The following AP5B1 variants were observed in gnomAD, a reference collection of about 807,000 sequenced individuals.
AP5B1 encodes AP-5 complex subunit beta-1.
Under a neutral mutation model 5.7 loss-of-function variants are expected in AP5B1, and 3 were observed. The observed-to-expected ratio is 0.53, with a 90% confidence interval of 0.24 to 1.36. AP5B1 has a LOEUF of 1.36. Ranked by LOEUF, AP5B1 falls within the 40% of genes most tolerant of loss-of-function variation. The pLI is 0.17. For missense variants in AP5B1, 1,310 were observed against 1,143.2 expected (o/e 1.15, Z -2.10); for synonymous variants, 696 against 555.5 (o/e 1.25, Z -3.56).
chr11:65,778,187 G>A lies in AP5B1; in HGVS notation c.2306C>T (p.Pro769Leu), dbSNP rs370926369. The A allele has an allele frequency of 3.7e-5, 59 of 1,613,102 alleles. 1 individual carries two copies. Among genetic ancestry groups the A allele is most frequent in the Admixed American group, 5.0e-5 (3 of 60,008 alleles). ...GGCCCCCTCTGGAGGCTGCGGGAAAGGCAGAAAGAGGTCGGCAAAGTTCAC... is the reference window on the plus strand; with the variant it reads ...GGCCCCCTCTGGAGGCTGCGGGAAAAGCAGAAAGAGGTCGGCAAAGTTCAC... ...LFVNFADLFL[P>L]FPQPPEGAGL... Residue 769 changes from proline (P) to leucine (L), a missense_variant, in exon 2 of 2, where the codon CCT (proline) becomes CTT (leucine). Pro to Leu is a moderately conservative substitution (Grantham distance 98). Coordinates refer to ENST00000532090, the MANE Select transcript of AP5B1 (RefSeq NM_138368.5).
chr11:65,777,557 A>C lies in AP5B1; in HGVS notation c.*299T>G. 4 of 363,848 alleles carry C rather than the reference A, an allele frequency of 1.1e-5. No homozygotes were observed. The highest frequency in any genetic ancestry group is 4.3e-5 in the Admixed American group (1 of 23,058). 22.5% of individuals were successfully genotyped at this position (363,848 alleles called of 1,614,324 possible). A position where few individuals can be genotyped will look rare whatever the true frequency, so the allele number is the denominator to read the frequency against. On this transcript the variant is annotated 3_prime_UTR_variant, in exon 2 of 2. Transcript: ENST00000532090. The stretch of plus-strand genomic sequence containing the variant: ...TGTCACTCTGTCCTCTGTCATGGGA[A>C]GATGCAGAAGGGTCCTCACTGGGCT...
rs761562343 is a variant in AP5B1 at position 65,778,591 on chromosome 11, C to G, written c.1902G>C (p.Ser634=). ...AAGAGGCCAGTGCAGGTGCGGCAAGCGAGGGGCCCAGGGCCACCCCCAACT... is the reference window on the plus strand; with the variant it reads ...AAGAGGCCAGTGCAGGTGCGGCAAGGGAGGGGCCCAGGGCCACCCCCAACT... The part of the protein sequence containing the change: ...APKLGVALGP[S]LAAPALASSL... The change falls in exon 2 of 2, where the codon TCG becomes TCC. Residue 634 remains serine, a synonymous_variant. Coordinates refer to ENST00000532090, the MANE Select transcript of AP5B1 (RefSeq NM_138368.5). The G allele has an allele frequency of 6.3e-7, 1 of 1,592,082 alleles. No individual in the cohort carries two copies. Among genetic ancestry groups the G allele is most frequent in the Non-Finnish European group, 8.5e-7 (1 of 1,171,134 alleles).
Position 65,779,310 on chromosome 11 carries a change from G to A in AP5B1, c.1183C>T (p.Pro395Ser), listed in dbSNP as rs1179220770. Residue 395 changes from proline (P) to serine (S), a missense_variant, in exon 2 of 2, where the codon CCC (proline) becomes TCC (serine). Physicochemically the swap from Pro to Ser is moderately conservative, Grantham distance 74. Coordinates refer to ENST00000532090, the MANE Select transcript of AP5B1 (RefSeq NM_138368.5). ...GEEAAPLLLG[P>S]QLCRGLLPSL... is the part of the protein sequence containing the mutation. ...GGCAGGAGACCACGGCATAGCTGGGGCCCTAGCAGCAGTGGGGCAGCCTCC... is the reference window on the plus strand; with the variant it reads ...GGCAGGAGACCACGGCATAGCTGGGACCCTAGCAGCAGTGGGGCAGCCTCC... 1.3e-6 allele frequency: 2 copies of A among 1,599,088 alleles called. No individual in the cohort carries two copies. Among genetic ancestry groups the A allele is most frequent in the Admixed American group, 1.7e-5 (1 of 58,696 alleles).
rs370921131 is a variant in AP5B1, at chr11:65,778,421, T to C, written c.2072A>G (p.Tyr691Cys). 6.3e-7 allele frequency: 1 copy of C among 1,583,424 alleles called. No individual in the cohort carries two copies. ...KLQPEALEPI[Y>C]SLELRFRVEG... ...CACACGGAAGCGCAGCTCCAGAGAG[T>C]AGATGGGCTCCAGCGCCTCCGGCTG... Residue 691 changes from tyrosine to cysteine, a missense_variant, in exon 2 of 2, where the codon TAC (tyrosine) becomes TGC (cysteine). Transcript: ENST00000532090.
chr11:65,773,986 A>G lies in AP5B1; in HGVS notation c.*3870T>C, dbSNP rs1020192046. 1.3e-5 allele frequency among the ~76,000 whole-genome samples: 2 copies of G among 152,180 alleles called. No individual in the cohort carries two copies. The highest frequency in any genetic ancestry group is 2.9e-5 in the Non-Finnish European group (2 of 68,036). On this transcript the variant is annotated 3_prime_UTR_variant, in exon 2 of 2. Coordinates refer to ENST00000532090, the MANE Select transcript of AP5B1 (RefSeq NM_138368.5). ...CTACATGACTTAACCCTTGCTTGGC[A>G]TGGCCTTAGGTCCTGTTTACAATTT...
rs1208865774 is a variant in AP5B1, at chr11:65,780,948, C to G, written c.-357G>C. ...CGCCGCCTGACTCAGCCGCCGCGGG[C>G]ACTCAGGCCGGCCGGCTCCTTCCGG... On this transcript the variant is annotated 5_prime_UTR_variant, in exon 1 of 2. Transcript: ENST00000532090. 1 of 151,290 alleles carries G rather than the reference C, an allele frequency of 6.6e-6. No individual in the cohort carries two copies. Among genetic ancestry groups the G allele is most frequent in the South Asian group, 2.0e-4 (1 of 5,082 alleles). 9.4% of individuals were successfully genotyped at this position (151,290 alleles called of 1,614,324 possible).
rs990230292 is a variant in AP5B1, at chr11:65,778,378, T to C, written c.2115A>G (p.Ala705=). ...LRFRVEGQLY[A]PLEAVHVPCL... is the part of the protein sequence containing the mutation. ...AGGGCACATGGACAGCCTCCAGGGGTGCATACAGCTGTCCTTCCACACGGA... is the reference window on the plus strand; with the variant it reads ...AGGGCACATGGACAGCCTCCAGGGGCGCATACAGCTGTCCTTCCACACGGA... The change falls in exon 2 of 2, where the codon GCA becomes GCG. Residue 705 remains alanine, a synonymous_variant. Coordinates refer to ENST00000532090, the MANE Select transcript of AP5B1 (RefSeq NM_138368.5). 6.2e-7 allele frequency: 1 copy of C among 1,604,804 alleles called. No individual in the cohort carries two copies. The highest frequency in any genetic ancestry group is 8.5e-7 in the Non-Finnish European group (1 of 1,176,782).
rs770674930 is a variant in AP5B1 at position 65,778,032 on chromosome 11, C to T, written c.2461G>A (p.Val821Met). 2 of 1,612,636 alleles carry T rather than the reference C, an allele frequency of 1.2e-6. No homozygotes were observed. Among genetic ancestry groups the T allele is most frequent in the Non-Finnish European group, 1.7e-6 (2 of 1,179,790 alleles). Residue 821 changes from valine (V) to methionine (M), a missense_variant, in exon 2 of 2, where the codon GTG becomes ATG. Val to Met is a conservative substitution (Grantham distance 21, BLOSUM62 1). Coordinates refer to ENST00000532090, the MANE Select transcript of AP5B1 (RefSeq NM_138368.5). The stretch of plus-strand genomic sequence containing the variant: ...CAGTAGCTGGTAGGAGGCTGGGCCA[C>T]CACCACAAAAGGCTCCAGGTGGCGG... Reference protein sequence around the residue: ...VSRHLEPFVVVAQPPTSYCVA... With the variant: ...VSRHLEPFVVMAQPPTSYCVA...
rs905068732 is a variant in AP5B1, at chr11:65,780,100, G to C, written c.393C>G (p.Ser131Arg). The C allele has an allele frequency of 6.6e-7, 1 of 1,517,944 alleles. No homozygotes were observed. The highest frequency in any genetic ancestry group is 1.4e-5 in the African/African-American group (1 of 71,720). 94.0% of individuals were successfully genotyped at this position (1,517,944 alleles called of 1,614,324 possible). A position where few individuals can be genotyped will look rare whatever the true frequency, so the allele number is the denominator to read the frequency against. The change falls in exon 2 of 2, where the codon AGC (serine) becomes AGG (arginine). Residue 131 changes from serine to arginine, a missense_variant. Ser to Arg is a moderately radical substitution (Grantham distance 110, BLOSUM62 -1). Coordinates refer to ENST00000532090, the MANE Select transcript of AP5B1 (RefSeq NM_138368.5). ...LPLLLGLAAG[S>R]DLGRGFVPAS... ...CGGGGACAAAGCCTCGCCCCAGATCGCTACCCGCGGCCAGGCCGAGCAGTA... is the reference window on the plus strand; with the variant it reads ...CGGGGACAAAGCCTCGCCCCAGATCCCTACCCGCGGCCAGGCCGAGCAGTA...
Position 65,779,169 on chromosome 11 carries a change from C to T in AP5B1, c.1324G>A (p.Glu442Lys), listed in dbSNP as rs1021578866. The T allele has an allele frequency of 1.5e-5, 24 of 1,611,310 alleles. No homozygotes were observed. The Admixed American group carries it at 2.3e-4, about 16-fold the overall frequency. ...GQLPSPRHYL[E>K]ELLAGLRQRA... is the part of the protein sequence containing the mutation. Reference sequence around the variant, plus strand: ...TGCCGCAAGCCAGCCAGCAGCTCTTCCAGGTAGTGCCGTGGGCTTGGAAGC... The same window carrying T: ...TGCCGCAAGCCAGCCAGCAGCTCTTTCAGGTAGTGCCGTGGGCTTGGAAGC... Residue 442 changes from glutamate (E) to lysine (K), a missense_variant, in exon 2 of 2, where the codon GAA becomes AAA. Transcript: ENST00000532090.
At position 65,777,615 on chromosome 11, in the gene AP5B1, A is replaced by G. The variant is rs1283309345; in HGVS notation, c.*241T>C. On this transcript the variant is annotated 3_prime_UTR_variant, in exon 2 of 2. Coordinates refer to ENST00000532090, the MANE Select transcript of AP5B1 (RefSeq NM_138368.5). ...CTCCACTATGGACTTCCCAGCCTCC[A>G]GAGCTCTGAGCCAATACATTTCTGT... 1.2e-5 allele frequency: 6 copies of G among 520,386 alleles called. No homozygotes were observed. The highest frequency in any genetic ancestry group is 1.9e-5 in the African/African-American group (1 of 52,506). The allele number at this position is 520,386 out of a possible 1,614,324, so 32.2% of individuals were successfully genotyped here. A position where few individuals can be genotyped will look rare whatever the true frequency, so the allele number is the denominator to read the frequency against.
At position 65,779,647 on chromosome 11, in the gene AP5B1, A is replaced by T. The variant is rs543378807; in HGVS notation, c.846T>A (p.Thr282=). The T allele has an allele frequency of 6.2e-7, 1 of 1,611,646 alleles. No individual in the cohort carries two copies. The highest frequency in any genetic ancestry group is 1.7e-4 in the Middle Eastern group (1 of 6,038). Reference sequence around the variant, plus strand: ...ACAGGAGCTGGGCCTGGGCCACAGGAGTGAGCAGATAGGAGGTGTCCAGAA... The same window carrying T: ...ACAGGAGCTGGGCCTGGGCCACAGGTGTGAGCAGATAGGAGGTGTCCAGAA... The part of the protein sequence containing the change: ...IQLLDTSYLL[T]PVAQAQLLWL... The change falls in exon 2 of 2, where the codon ACT becomes ACA. Residue 282 remains threonine, a synonymous_variant. Transcript: ENST00000532090.
Position 65,779,843 on chromosome 11 carries a change from G to A in AP5B1, c.650C>T (p.Pro217Leu), listed in dbSNP as rs779052362. 5 of 1,595,966 alleles carry A rather than the reference G, an allele frequency of 3.1e-6. No homozygotes were observed. Among genetic ancestry groups the A allele is most frequent in the Non-Finnish European group, 4.3e-6 (5 of 1,171,002 alleles). The change falls in exon 2 of 2, where the codon CCA becomes CTA. Residue 217 changes from proline to leucine, a missense_variant. Coordinates refer to ENST00000532090, the MANE Select transcript of AP5B1 (RefSeq NM_138368.5). ...CCAATCCCAGGGACCACCCCCAGTTGGGGAGACCTTATCCGTGAGCAGTCC... is the reference window on the plus strand; with the variant it reads ...CCAATCCCAGGGACCACCCCCAGTTAGGGAGACCTTATCCGTGAGCAGTCC... ...LGGLLTDKVS[P>L]TGGGPWDWTL... is the part of the protein sequence containing the mutation.
At position 65,780,192 on chromosome 11, in the gene AP5B1, T is replaced by G. The variant is rs1355940224; in HGVS notation, c.301A>C (p.Thr101Pro). Residue 101 changes from threonine to proline, a missense_variant, in exon 2 of 2, where the codon ACC becomes CCC. Physicochemically the swap from Thr to Pro is conservative, Grantham distance 38. Coordinates refer to ENST00000532090, the MANE Select transcript of AP5B1 (RefSeq NM_138368.5). ...ALRRPLLLAA[T>P]TALAAGGALG... ...GCGCCGCCCGCCGCCAGGGCAGTGG[T>G]GGCCGCCAGCAGCAGTGGCCGACGG... The G allele has an allele frequency of 6.7e-7, 1 of 1,497,908 alleles. No homozygotes were observed. Among genetic ancestry groups the G allele is most frequent in the Non-Finnish European group, 8.9e-7 (1 of 1,126,408 alleles). 92.8% of individuals were successfully genotyped at this position (1,497,908 alleles called of 1,614,324 possible). A position where few individuals can be genotyped will look rare whatever the true frequency, so the allele number is the denominator to read the frequency against.
In AP5B1 at chr11:65,780,296, G is replaced by C. The variant is rs1331056037; in HGVS notation, c.197C>G (p.Pro66Arg). ...GGCCACTTCGGCCGCAGAGGCGTCG[G>C]GCCACAGCTGCGCAGGGTACTCCAT... ...LSMEYPAQLWPDASAAEVAAT... is the reference protein window; with the variant it reads ...LSMEYPAQLWRDASAAEVAAT... The change falls in exon 2 of 2, where the codon CCC becomes CGC. Residue 66 changes from proline (P) to arginine (R), a missense_variant. Transcript: ENST00000532090. The C allele has an allele frequency of 6.7e-7, 1 of 1,498,994 alleles. No individual in the cohort carries two copies. Among genetic ancestry groups the C allele is most frequent in the South Asian group, 1.4e-5 (1 of 73,480 alleles). The allele number at this position is 1,498,994 out of a possible 1,614,324, so 92.9% of individuals were successfully genotyped here.
rs774335063 is a variant in AP5B1, at chr11:65,780,045, C to T, written c.448G>A (p.Ala150Thr). 1 of 1,552,756 alleles carries T rather than the reference C, an allele frequency of 6.4e-7. No homozygotes were observed. The highest frequency in any genetic ancestry group is 8.7e-7 in the Non-Finnish European group (1 of 1,148,706). ...ASEQRPLQAT[A>T]CECLRELESC... ...TCTAGCTCTCGCAGGCACTCGCAGG[C>T]CGTGGCCTGCAAGGGGCGCTGTTCC... Residue 150 changes from alanine to threonine, a missense_variant, in exon 2 of 2, where the codon GCC becomes ACC. Transcript: ENST00000532090.
In AP5B1 at chr11:65,777,758, G is replaced by A; in HGVS notation, c.*98C>T. 1 of 1,350,920 alleles carries A rather than the reference G, an allele frequency of 7.4e-7. No homozygotes were observed. Among genetic ancestry groups the A allele is most frequent in the Non-Finnish European group, 9.8e-7 (1 of 1,021,750 alleles). 83.7% of individuals were successfully genotyped at this position (1,350,920 alleles called of 1,614,324 possible). A position where few individuals can be genotyped will look rare whatever the true frequency, so the allele number is the denominator to read the frequency against. On this transcript the variant is annotated 3_prime_UTR_variant, in exon 2 of 2. Coordinates refer to ENST00000532090, the MANE Select transcript of AP5B1 (RefSeq NM_138368.5). ...GGCCCAAAAGAAAACAAGCCAGCGAGGGCACTGCGGAATGCAGGGTTTTGG... is the reference window on the plus strand; with the variant it reads ...GGCCCAAAAGAAAACAAGCCAGCGAAGGCACTGCGGAATGCAGGGTTTTGG...
Position 65,779,046 on chromosome 11 carries a change from G to A in AP5B1, c.1447C>T (p.Leu483=). ...ACCLAGQPTV[L]TPLIHGLAQL... is the part of the protein sequence containing the mutation. ...GCCAGTCCGTGGATCAAGGGGGTCA[G>A]CACCGTAGGTTGCCCAGCCAGGCAG... The change falls in exon 2 of 2, where the codon CTG becomes TTG. Residue 483 remains leucine (L), a synonymous_variant. Coordinates refer to ENST00000532090, the MANE Select transcript of AP5B1 (RefSeq NM_138368.5). 1 of 1,607,160 alleles carries A rather than the reference G, an allele frequency of 6.2e-7. No individual in the cohort carries two copies. The highest frequency in any genetic ancestry group is 8.5e-7 in the Non-Finnish European group (1 of 1,176,990).
At position 65,779,681 on chromosome 11, in the gene AP5B1, A is replaced by C. The variant is rs1590991736; in HGVS notation, c.812T>G (p.Val271Gly). ...ATAGGAGGTGTCCAGAAGCTGGATC[A>C]CCGCAGCCCGCAGCTCCCGCGCCTC... ...PEEARELRAA[V>G]IQLLDTSYLL... Residue 271 changes from valine (V) to glycine (G), a missense_variant, in exon 2 of 2, where the codon GTG becomes GGG. Transcript: ENST00000532090. The C allele has an allele frequency of 6.2e-7, 1 of 1,612,238 alleles. No individual in the cohort carries two copies. The highest frequency in any genetic ancestry group is 8.5e-7 in the Non-Finnish European group (1 of 1,179,634).
Sources: allele counts gnomAD v4.1 joint callset (sites outside exome capture counted in the v4.1 genomes callset), GRCh38; gene constraint gnomAD v4.1.1; transcripts MANE v1.5; gene names NCBI Gene and HGNC (gene_info 2026-07-23, HGNC 2026-07-21).